The following MOSPD2 variants were observed in gnomAD, a reference collection of about 807,000 sequenced individuals.
MOSPD2 encodes the protein motile sperm domain-containing protein 2.
A neutral mutation model predicts 41.7 loss-of-function variants in MOSPD2; 5 were observed. That is an observed-to-expected ratio of 0.12 (90% CI 0.06 to 0.25). MOSPD2 has a LOEUF of 0.25. Ranked by LOEUF, MOSPD2 falls within the 10% of genes least tolerant of loss-of-function variation. MOSPD2 has a pLI of 1.00. For synonymous variants in MOSPD2, 115 were observed against 126.9 expected (o/e 0.91, Z 0.63); for missense variants, 282 against 375.2 (o/e 0.75, Z 2.05).
intron 8 of MOSPD2, 117 bp downstream of exon 8, chrX:14,909,101 AC>A: frequency 1.7e-6 from 1 of 589,418 alleles, no homozygotes; most frequent in Non-Finnish European, 2.4e-6. Context: ...TATCACAGAT[AC>A]CCCCAAAATA....
At chrX:14,882,368 GAT>G (rs2092532962) in intron 2 of MOSPD2, among the ~76,000 whole-genome samples, 1 of 111,133 alleles carries the variant, frequency 9.0e-6, no homozygotes, top group Admixed American at 9.6e-5. Flanking sequence ...AGATTCAAGA[GAT>G]ATGAGTCAAA....
intron 2 of MOSPD2, 37 bp downstream of exon 2, chrX:14,873,795 A>G (rs762615200): frequency 5.4e-6 from 6 of 1,101,855 alleles, no homozygotes; most frequent in Non-Finnish European, 7.5e-6. Flanking sequence ...AAAGGTGTGC[A>G]GTGAGCATCC....
intron 2 of MOSPD2, among the ~76,000 whole-genome samples, chrX:14,892,505 C>T (rs1005958579): frequency 1.8e-5 from 2 of 111,664 alleles, no homozygotes; most frequent in African/African-American, 6.5e-5. Flanking sequence ...CACTGGGCAT[C>T]AGATTTCAAC....
chrX:14,917,844 ACTTT>A (rs2092602955), intron 13 of MOSPD2, among the ~76,000 whole-genome samples: 1 of 111,410 alleles, frequency 9.0e-6, no homozygotes, highest in Admixed American at 9.5e-5. Context: ...ACATAGGGAA[ACTTT>A]CTTTCTACAA....
intron 7 of MOSPD2, among the ~76,000 whole-genome samples, chrX:14,905,132 T>A (rs2092579567): frequency 9.0e-6 from 1 of 111,314 alleles, no homozygotes; most frequent in South Asian, 3.8e-4. Context: ...AAAACCTGAA[T>A]CTATGAAAAC....
intron 2 of MOSPD2, among the ~76,000 whole-genome samples, chrX:14,885,664 A>G (rs2092539912): frequency 1.8e-5 from 2 of 111,357 alleles, no homozygotes; most frequent in South Asian, 7.5e-4. Flanking sequence ...TGATAACAAC[A>G]CAAAATCCTC....
chrX:14,899,569 C>T (rs10127414), intron 5 of MOSPD2, among the ~76,000 whole-genome samples: 6 of 89,030 alleles, frequency 6.7e-5, no homozygotes, highest in Non-Finnish European at 1.1e-4. Flanking sequence ...TATACATACA[C>T]ACACACACAC....
At chrX:14,912,184 C>G in intron 9 of MOSPD2, 65 bp from the exon 10 acceptor site, 1 of 729,285 alleles carries the variant, frequency 1.4e-6, no homozygotes, top group Non-Finnish European at 2.0e-6. Flanking sequence ...ATAGTAGGCA[C>G]TAAAATAGAT....
chrX:14,886,234 G>A (rs760784129), intron 2 of MOSPD2, among the ~76,000 whole-genome samples: 11 of 111,418 alleles, frequency 9.9e-5, no homozygotes, highest in South Asian at 7.4e-4. Flanking sequence ...GTGCTTATGC[G>A]AAGACCTTGA....
chrX:14,898,336 A>G (rs753031359), intron 5 of MOSPD2, among the ~76,000 whole-genome samples: 38 of 111,239 alleles, frequency 3.4e-4, no homozygotes, highest in Non-Finnish European at 6.4e-4. Flanking sequence ...CTGTATGATT[A>G]TACATACTAT....
intron 2 of MOSPD2, among the ~76,000 whole-genome samples, chrX:14,874,764 G>A (rs749033487): frequency 9.0e-6 from 1 of 110,868 alleles, no homozygotes; most frequent in South Asian, 3.7e-4. Flanking sequence ...TATGGAAATC[G>A]GTTTCAAATA....
At chrX:14,917,194 T>A (rs1156398103) in intron 13 of MOSPD2, among the ~76,000 whole-genome samples, 2 of 111,868 alleles carry the variant, frequency 1.8e-5, no homozygotes, top group African/African-American at 3.3e-5. Context: ...GGTGGAGAAA[T>A]CCTGCTTTAT....
intron 6 of MOSPD2, 87 bp from the exon 7 acceptor site, chrX:14,902,879 A>G: frequency 1.5e-6 from 1 of 647,308 alleles, no homozygotes; most frequent in South Asian, 2.4e-5. Flanking sequence ...ACTTAAATTT[A>G]GATGACCAGT....
At chrX:14,912,638 T>C (rs1320451973) in intron 10 of MOSPD2, among the ~76,000 whole-genome samples, 1 of 111,954 alleles carries the variant, frequency 8.9e-6, no homozygotes. Flanking sequence ...GCATGTATTT[T>C]CCTCACATTA....
intron 2 of MOSPD2, among the ~76,000 whole-genome samples, chrX:14,885,099 G>A (rs764597579): frequency 9.6e-4 from 107 of 111,706 alleles, no homozygotes; most frequent in African/African-American, 3.4e-3. Flanking sequence ...ATATGTATGT[G>A]TGTATGTATA....
chrX:14,897,164 C>T lies in MOSPD2; in HGVS notation c.403C>T (p.Arg135Cys). ...GAAGCTCATAGCATTCTGGTTGGAA[C>T]GTTATGCTAAGAGGGAAAATGGGAA... is the stretch of plus-strand genomic sequence containing the variant. ...KKKLIAFWLE[R>C]YAKRENGKPV... The change falls in exon 5 of 15, where the codon CGT (arginine) becomes TGT (cysteine). Residue 135 changes from arginine (R) to cysteine (C), a missense_variant. Transcript: ENST00000380492. 3 of 1,207,761 alleles carry T rather than the reference C, an allele frequency of 2.5e-6. No individual in the cohort carries two copies. The highest frequency in any genetic ancestry group is 3.4e-6 in the Non-Finnish European group (3 of 892,553).
intron 8 of MOSPD2, among the ~76,000 whole-genome samples, chrX:14,909,884 A>G (rs935698726): frequency 4.5e-5 from 5 of 111,094 alleles, no homozygotes; most frequent in African/African-American, 1.3e-4. Flanking sequence ...TCACATTTTC[A>G]CCTAGAAAAA....
rs779474196 is a variant in MOSPD2 at position 14,903,058 on chromosome X, C to A, written c.577+54C>A. On this transcript the variant is annotated intron_variant, in intron 7 of 14. Transcript: ENST00000380492. ...AAATGTCTAATTTCCTTTACTTTGC[C>A]GATTTAGCCATATTTCTACAATTGT... 62 of 802,942 alleles carry A rather than the reference C, an allele frequency of 7.7e-5. No individual in the cohort carries two copies. In the African/African-American group the frequency reaches 1.2e-3, roughly 15 times the overall value. 66.2% of individuals were successfully genotyped at this position (802,942 alleles called of 1,213,427 possible). A position where few individuals can be genotyped will look rare whatever the true frequency, so the allele number is the denominator to read the frequency against.
intron 2 of MOSPD2, among the ~76,000 whole-genome samples, chrX:14,888,238 A>C (rs2092546221): frequency 1.0e-5 from 1 of 99,220 alleles, no homozygotes; most frequent in Non-Finnish European, 2.1e-5. Context: ...ACACACACAC[A>C]CACACACACA....
Sources: allele counts gnomAD v4.1 joint callset (sites outside exome capture counted in the v4.1 genomes callset), GRCh38; gene constraint gnomAD v4.1.1; transcripts MANE v1.5; gene names NCBI Gene and HGNC (gene_info 2026-07-23, HGNC 2026-07-21).